MCOLN2: variants seen among roughly 807,000 people sequenced by gnomAD.
MCOLN2 encodes the protein mucolipin-2.
Under a neutral mutation model 67.5 loss-of-function variants are expected in MCOLN2, and 57 were observed. The observed-to-expected ratio is 0.84, with a 90% CI of 0.68 to 1.05. MCOLN2 has a LOEUF of 1.05. MCOLN2 is among the 50% of genes least tolerant of loss of function. The probability of loss-of-function intolerance (pLI) is 0.00; values close to 1 mark genes in which losing one functional copy is unlikely to be tolerated. For missense variants in MCOLN2, 620 were observed against 678.8 expected (o/e 0.91, Z 0.96); for synonymous variants, 246 against 233.3 (o/e 1.05, Z -0.50).
chr1:84,927,050 G>A (rs1187530367), intron 13 of MCOLN2, among the ~76,000 whole-genome samples: 3 of 151,874 alleles, frequency 2.0e-5, no homozygotes, highest in South Asian at 4.2e-4. Context: ...TGGGGGGTAG[G>A]GGGAAAGGGG....
chr1:84,996,932 G>A lies in MCOLN2; in HGVS notation c.-60C>T. On this transcript the variant is annotated 5_prime_UTR_variant, in exon 1 of 14. Coordinates refer to ENST00000370608, the MANE Select transcript of MCOLN2 (RefSeq NM_153259.4). ...ATTCGGAACAGGAAACACCGTTCAC[G>A]GCCGACTCATTTCGCCCTCGCCGTA... 2.0e-6 allele frequency: 3 copies of A among 1,469,970 alleles called. No homozygotes were observed. The South Asian group carries it at 3.4e-5, about 17-fold the overall frequency. The allele number at this position is 1,469,970 out of a possible 1,614,324, so 91.1% of individuals were successfully genotyped here.
chr1:84,940,298 C>T (rs973008020), intron 8 of MCOLN2, among the ~76,000 whole-genome samples: 2 of 152,190 alleles, frequency 1.3e-5, no homozygotes, highest in African/African-American at 4.8e-5. Context: ...ACTCTGTGGA[C>T]TTCCAATTTC....
intron 1 of MCOLN2, among the ~76,000 whole-genome samples, chr1:84,981,097 CAAT>C (rs56960887): frequency 0.04 from 6,074 of 152,180 alleles, 375 homozygotes; most frequent in African/African-American, 0.13. Context: ...ATCAAAACTA[CAAT>C]GAGATATCAT....
intron 1 of MCOLN2, among the ~76,000 whole-genome samples, chr1:84,973,243 G>A (rs1380202255): frequency 6.6e-6 from 1 of 152,192 alleles, no homozygotes; most frequent in Non-Finnish European, 1.5e-5. Context: ...TTGGGAGACT[G>A]AGGCAGGAGG....
chr1:84,976,019 A>G (rs12140467), intron 1 of MCOLN2, among the ~76,000 whole-genome samples: 42,723 of 151,886 alleles, frequency 0.28, 6,472 homozygotes, highest in East Asian at 0.37. Context: ...AAAACAATGA[A>G]GCATGCCTAC....
rs1651191310 is a variant in MCOLN2, at chr1:84,996,981, C to T, written c.-109G>A. On this transcript the variant is annotated 5_prime_UTR_variant, in exon 1 of 14. Transcript: ENST00000370608. Reference sequence around the variant, plus strand: ...TAACGCGTCCGCCGAAGTTGGAGCCCTGCAAAGCGGGGTTCCCTTCTCTTA... The same window carrying T: ...TAACGCGTCCGCCGAAGTTGGAGCCTTGCAAAGCGGGGTTCCCTTCTCTTA... The T allele has an allele frequency of 4.0e-6, 4 of 1,011,226 alleles. No individual in the cohort carries two copies. Among genetic ancestry groups the T allele is most frequent in the East Asian group, 5.0e-5 (2 of 39,848 alleles). The allele number at this position is 1,011,226 out of a possible 1,614,324, so 62.6% of individuals were successfully genotyped here.
intron 1 of MCOLN2, among the ~76,000 whole-genome samples, chr1:84,985,284 C>A (rs776715467): frequency 2.6e-5 from 4 of 152,134 alleles, no homozygotes; most frequent in African/African-American, 4.8e-5. Context: ...ATTGGCTCAG[C>A]AGCATTTGAT....
Position 84,939,657 on chromosome 1 carries a change from C to T in MCOLN2, c.1006G>A (p.Asp336Asn), listed in dbSNP as rs1249145706. Residue 336 changes from aspartate to asparagine, a missense_variant, in exon 9 of 14, where the codon GAC becomes AAC. By Grantham distance (23) the Asp-to-Asn change is conservative. Transcript: ENST00000370608. ...TTGATGAACTCCCACTGGTCGGTGT[C>T]ACACACAGGCCGCTTGTACTTCTCC... ...FLEKYKRPVCDTDQWEFINGW... is the reference protein window; with the variant it reads ...FLEKYKRPVCNTDQWEFINGW... 1 of 1,613,916 alleles carries T rather than the reference C, an allele frequency of 6.2e-7. No individual in the cohort carries two copies.
chr1:84,941,102 TAAAAC>T (rs1557635663), intron 7 of MCOLN2, 111 bp from the exon 8 acceptor site: 4 of 672,942 alleles, frequency 5.9e-6, no homozygotes, highest in Non-Finnish European at 5.1e-6. Context: ...TGTCTATTGT[TAAAAC>T]AAAATGGTAA....
chr1:84,941,312 C>T (rs563715912), intron 7 of MCOLN2, among the ~76,000 whole-genome samples: 303 of 152,130 alleles, frequency 2.0e-3, no homozygotes, highest in East Asian at 5.4e-3. Context: ...CTGGCTAACA[C>T]GGTGAAACCC....
At chr1:84,981,155 C>T (rs1177417459) in intron 1 of MCOLN2, among the ~76,000 whole-genome samples, 1 of 152,090 alleles carries the variant, frequency 6.6e-6, no homozygotes, top group Non-Finnish European at 1.5e-5. Context: ...CAGGCAATAA[C>T]AAACACTGGT....
chr1:84,936,265 C>A (rs1178471791), intron 11 of MCOLN2, among the ~76,000 whole-genome samples: 1 of 152,082 alleles, frequency 6.6e-6, no homozygotes, highest in Non-Finnish European at 1.5e-5. Flanking sequence ...CTTATCTGAG[C>A]ACCTTCCAGA....
Position 84,947,134 on chromosome 1 carries a change from TG to T in MCOLN2, c.748-3del. ...GTGAGCTTTATTGTCAAAGATAATC[TG>T]GAGACACAAATGTATAGCGAGATTA... On this transcript the variant is annotated splice_region_variant and splice_polypyrimidine_tract_variant and intron_variant, in intron 6 of 13. Transcript: ENST00000370608. 1 of 1,454,758 alleles carries T rather than the reference TG, an allele frequency of 6.9e-7. No homozygotes were observed. Among genetic ancestry groups the T allele is most frequent in the Non-Finnish European group, 9.6e-7 (1 of 1,036,368 alleles). 90.1% of individuals were successfully genotyped at this position (1,454,758 alleles called of 1,614,324 possible). A position where few individuals can be genotyped will look rare whatever the true frequency, so the allele number is the denominator to read the frequency against.
At chr1:84,979,114 G>A (rs1650132414) in intron 1 of MCOLN2, among the ~76,000 whole-genome samples, 1 of 152,070 alleles carries the variant, frequency 6.6e-6, no homozygotes, top group African/African-American at 2.4e-5. Flanking sequence ...GCCTTTCCCA[G>A]CCCACTGACT....
At position 84,956,454 on chromosome 1, in the gene MCOLN2, TTCAG is replaced by T. The variant is rs774817010; in HGVS notation, c.538_541del (p.Leu180IlefsTer13). The stretch of plus-strand genomic sequence containing the variant: ...ACCGAGCTCAACGTCGTTGTCAATA[TTCAG>T]TGTCTCATTAGAAGGAAACATGGTC... On this transcript the variant is annotated frameshift_variant, in exon 4 of 14. Transcript: ENST00000370608. LOFTEE classifies it high-confidence loss of function. 5 of 1,611,662 alleles carry T rather than the reference TTCAG, an allele frequency of 3.1e-6. No homozygotes were observed. The highest frequency in any genetic ancestry group is 4.2e-6 in the Non-Finnish European group (5 of 1,179,268).
chr1:84,986,567 T>C (rs1031079349), intron 1 of MCOLN2, among the ~76,000 whole-genome samples: 2 of 144,720 alleles, frequency 1.4e-5, no homozygotes, highest in African/African-American at 2.5e-5. Context: ...AAAAAGCTTC[T>C]GCACAGCAAA....
In MCOLN2 at chr1:84,939,648, G is replaced by C. The variant is rs1313747408; in HGVS notation, c.1015C>G (p.Gln339Glu). ...KYKRPVCDTDQWEFINGWYVL... is the reference protein window; with the variant it reads ...KYKRPVCDTDEWEFINGWYVL... ...TACCAGCCGTTGATGAACTCCCACT[G>C]GTCGGTGTCACACACAGGCCGCTTG... The change falls in exon 9 of 14, where the codon CAG becomes GAG. Residue 339 changes from glutamine to glutamate, a missense_variant. Physicochemically the swap from Gln to Glu is conservative, Grantham distance 29 (BLOSUM62 2). Coordinates refer to ENST00000370608, the MANE Select transcript of MCOLN2 (RefSeq NM_153259.4). The C allele has an allele frequency of 1.2e-6, 2 of 1,614,006 alleles. No individual in the cohort carries two copies. The highest frequency in any genetic ancestry group is 1.1e-5 in the South Asian group (1 of 91,072).
chr1:84,935,094 G>C (rs192698619), intron 11 of MCOLN2, among the ~76,000 whole-genome samples: 8 of 152,290 alleles, frequency 5.3e-5, no homozygotes. Flanking sequence ...CAGGTAACCT[G>C]AAAGTCCTCT....
At chr1:84,990,606 A>G (rs1345924133) in intron 1 of MCOLN2, among the ~76,000 whole-genome samples, 2 of 151,882 alleles carry the variant, frequency 1.3e-5, no homozygotes, top group African/African-American at 4.8e-5. Flanking sequence ...AGATATAGTG[A>G]GATCTCATTT....
Sources: allele counts gnomAD v4.1 joint callset (sites outside exome capture counted in the v4.1 genomes callset), GRCh38; gene constraint gnomAD v4.1.1; transcripts MANE v1.5; gene names NCBI Gene and HGNC (gene_info 2026-07-23, HGNC 2026-07-21).